Variants in CROCC2 observed in about 807,000 individuals in gnomAD.
The protein encoded by CROCC2 is ciliary rootlet coiled-coil, rootletin family member 2, also known as ciliary rootlet coiled-coil protein 2.
A neutral mutation model predicts 177.6 loss-of-function variants in CROCC2; 163 were observed. The observed-to-expected ratio is 0.92, with a 90% CI of 0.81 to 1.05. The LOEUF is 1.05. Among genes scored for constraint, CROCC2 ranks in the 50% least tolerant of loss-of-function variants. The pLI is 0.00. For synonymous variants in CROCC2, 904 were observed against 787.3 expected (o/e 1.15, Z -2.48); for missense variants, 1,929 against 1,797.8 (o/e 1.07, Z -1.32).
intron 1 of CROCC2, among the ~76,000 whole-genome samples, chr2:240,916,449 GC>G (rs1375251223): frequency 2.9e-4 from 10 of 34,566 alleles, no homozygotes; most frequent in East Asian, 1.3e-3. Flanking sequence ...TGCGTCCCCC[GC>G]CCCCCCCATG....
chr2:240,958,776 C>T lies in CROCC2; in HGVS notation c.2944-525C>T, dbSNP rs115506480. Among the ~76,000 whole-genome samples, 5,259 of 152,238 alleles carry T rather than the reference C, an allele frequency of 0.035. 279 individuals carry two copies. Among genetic ancestry groups the T allele is most frequent in the African/African-American group, 0.12 (4,857 of 41,550 alleles). The stretch of plus-strand genomic sequence containing the variant: ...CAGTGGGGAGGGCCTTGAGAGGAAG[C>T]GGGGTGGTGTCCCGAGGGGCCTGGG... On this transcript the variant is annotated intron_variant, in intron 19 of 31. Transcript: ENST00000690015. The surrounding 1 kb of genome is among the most constrained non-coding windows in gnomAD (Gnocchi z 6.7).
At position 240,972,445 on chromosome 2, in the gene CROCC2, C is replaced by T. The variant is rs1231171828; in HGVS notation, c.4401+4183C>T. On this transcript the variant is annotated intron_variant, in intron 27 of 31. Transcript: ENST00000690015. This position sits in a 1 kb window ranked among gnomAD's most constrained non-coding sequence, Gnocchi z 7.1. ...CACAGGGATGGAGGGCTCCCCGGGT[C>T]CCCCAGCCACAGCAACCCTCTTCCC... 6.6e-6 allele frequency among the ~76,000 whole-genome samples: 1 copy of T among 152,032 alleles called. No homozygotes were observed. The highest frequency in any genetic ancestry group is 2.4e-5 in the African/African-American group (1 of 41,396).
rs1324613405 is a variant in CROCC2, at chr2:240,918,799, G to T, written c.152G>T (p.Arg51Leu). The change falls in exon 2 of 32, where the codon CGG (arginine) becomes CTG (leucine). Residue 51 changes from arginine to leucine, a missense_variant. Around this residue, in one of 3 missense-constraint regions of CROCC2, gnomAD observed 1,397 missense variants for 1,239.9 expected, o/e 1.13. Transcript: ENST00000690015. This position sits in a 1 kb window ranked among gnomAD's most constrained non-coding sequence, Gnocchi z 6.3. ...GCGCTGACCGTGCGTGGGGAAGGCC[G>T]GCAGGCCTCGCCCACCCCCGTGCCC... ...DRALTVRGEG[R>L]QASPTPVPTR... The T allele has an allele frequency of 3.3e-6, 2 of 603,198 alleles. No individual in the cohort carries two copies. Among genetic ancestry groups the T allele is most frequent in the Non-Finnish European group, 6.0e-6 (2 of 331,548 alleles). 37.4% of individuals were successfully genotyped at this position (603,198 alleles called of 1,614,324 possible).
intron 28 of CROCC2, chr2:240,983,273 C>A: frequency 1.0e-6 from 1 of 976,644 alleles, no homozygotes; most frequent in Non-Finnish European, 1.4e-6. Flanking sequence ...TCTTGCCGTA[C>A]AGTAAGCACC....
chr2:240,975,451 G>C (rs2059753523), intron 27 of CROCC2, among the ~76,000 whole-genome samples: 1 of 152,234 alleles, frequency 6.6e-6, no homozygotes, highest in Admixed American at 6.5e-5. Context: ...ACCTGCCAGT[G>C]GGCAATCAAA....
chr2:240,988,625 C>G (rs1200873762), intron 28 of CROCC2, 114 bp from the exon 29 acceptor site: 2 of 1,138,966 alleles, frequency 1.8e-6, no homozygotes, highest in South Asian at 3.6e-5. Context: ...GCTGCCAGCT[C>G]TTAGGGGAAT....
intron 28 of CROCC2, 145 bp downstream of exon 28, chr2:240,983,174 C>A: frequency 1.1e-6 from 1 of 924,046 alleles, no homozygotes; most frequent in Non-Finnish European, 1.6e-6. Flanking sequence ...GTGAGCAGGC[C>A]TGCAGAGACC....
chr2:240,991,127 T>C (rs2059876384), intron 30 of CROCC2, 69 bp from the exon 31 acceptor site: 1 of 1,213,156 alleles, frequency 8.2e-7, no homozygotes, highest in Non-Finnish European at 1.1e-6. Flanking sequence ...GAGCCCTCCA[T>C]GCCTCTATGC....
intron 2 of CROCC2, among the ~76,000 whole-genome samples, 176 bp from the exon 3 acceptor site, chr2:240,919,807 T>G (rs948345618): frequency 2.0e-5 from 3 of 152,280 alleles, no homozygotes; most frequent in African/African-American, 7.2e-5. Context: ...GTATGAAGTC[T>G]GCCTCCCTAT....
intron 3 of CROCC2, among the ~76,000 whole-genome samples, chr2:240,921,342 G>A (rs989987234): frequency 6.6e-6 from 1 of 152,134 alleles, no homozygotes; most frequent in Non-Finnish European, 1.5e-5. Context: ...GCCCCTGAGG[G>A]CAGGAGCTGG....
At chr2:240,911,767 T>A (rs1218454552) in intron 1 of CROCC2, among the ~76,000 whole-genome samples, 1 of 152,132 alleles carries the variant, frequency 6.6e-6, no homozygotes, top group African/African-American at 2.4e-5. Flanking sequence ...GGCGGGCTTA[T>A]TTCACTGAGC....
rs1048570198 is a variant in CROCC2 at position 240,972,297 on chromosome 2, G to C, written c.4401+4035G>C. On this transcript the variant is annotated intron_variant, in intron 27 of 31. Coordinates refer to ENST00000690015, the MANE Select transcript of CROCC2 (RefSeq NM_001351305.2). The surrounding 1 kb of genome is among the most constrained non-coding windows in gnomAD (Gnocchi z 7.1). ...GCCACAGGGAGCCATGGGGAATATG[G>C]GGAGCCAGCAGTGGAGTTCTGGCCC... 6.6e-6 allele frequency among the ~76,000 whole-genome samples: 1 copy of C among 152,180 alleles called. No homozygotes were observed. Among genetic ancestry groups the C allele is most frequent in the African/African-American group, 2.4e-5 (1 of 41,450 alleles).
rs553099996 is a variant in CROCC2, at chr2:240,945,939, C to T, written c.2170-121C>T. The stretch of plus-strand genomic sequence containing the variant: ...ATCCACCCACTTCTTCCACTTTCAC[C>T]TCCATGCCATTCTGCATAAAATCAC... On this transcript the variant is annotated intron_variant, in intron 14 of 31. Coordinates refer to ENST00000690015, the MANE Select transcript of CROCC2 (RefSeq NM_001351305.2). 6.7e-6 allele frequency: 5 copies of T among 749,436 alleles called. 1 individual carries two copies. In the South Asian group the frequency reaches 7.5e-5, roughly 11 times the overall value. The allele number at this position is 749,436 out of a possible 1,614,324, so 46.4% of individuals were successfully genotyped here. A position where few individuals can be genotyped will look rare whatever the true frequency, so the allele number is the denominator to read the frequency against.
At chr2:240,932,960 G>A in intron 9 of CROCC2, 52 bp downstream of exon 9, 1 of 1,532,960 alleles carries the variant, frequency 6.5e-7, no homozygotes, top group Non-Finnish European at 8.8e-7. Context: ...GCAGAAACAT[G>A]AGCCCCTCAG....
At chr2:240,936,334 A>G (rs1397571200) in intron 14 of CROCC2, among the ~76,000 whole-genome samples, 1 of 152,162 alleles carries the variant, frequency 6.6e-6, no homozygotes, top group Non-Finnish European at 1.5e-5. Context: ...GCCTTCAGCC[A>G]TTGCCCAAAG....
At chr2:240,944,920 T>G (rs1482736126) in intron 14 of CROCC2, among the ~76,000 whole-genome samples, 1 of 152,140 alleles carries the variant, frequency 6.6e-6, no homozygotes, top group Non-Finnish European at 1.5e-5. Context: ...AAAGCATTTA[T>G]TTTTGTTCTT....
chr2:240,910,939 T>C (rs1435154446), intron 1 of CROCC2, among the ~76,000 whole-genome samples: 2 of 152,114 alleles, frequency 1.3e-5, no homozygotes, highest in African/African-American at 4.8e-5. Context: ...GAGACCAGCC[T>C]GGCCAACATG....
intron 1 of CROCC2, among the ~76,000 whole-genome samples, chr2:240,912,690 G>A (rs1039193587): frequency 6.6e-6 from 1 of 152,162 alleles, no homozygotes; most frequent in African/African-American, 2.4e-5. Context: ...TTAAATCACT[G>A]GCCGTTGGTG....
intron 5 of CROCC2, among the ~76,000 whole-genome samples, chr2:240,928,467 G>T (rs983847907): frequency 7.0e-6 from 1 of 142,052 alleles, no homozygotes; most frequent in Non-Finnish European, 1.5e-5. Flanking sequence ...AAGAAATTGC[G>T]TACACTCCCC....
Sources: allele counts gnomAD v4.1 joint callset (sites outside exome capture counted in the v4.1 genomes callset), GRCh38; gene constraint gnomAD v4.1.1; regional missense constraint gnomAD v4.1.1; non-coding constraint Gnocchi (gnomAD v3.1); transcripts MANE v1.5; gene names NCBI Gene and HGNC (gene_info 2026-07-23, HGNC 2026-07-21).